FA2H: variants seen among roughly 807,000 people sequenced by gnomAD.
FA2H encodes fatty acid 2-hydroxylase.
A neutral mutation model predicts 44.9 loss-of-function variants in FA2H; 22 were observed. The observed-to-expected ratio is 0.49, with a 90% CI of 0.35 to 0.70. The LOEUF (loss-of-function observed/expected upper bound fraction) is 0.70. FA2H is among the 30% of genes least tolerant of loss of function. The pLI, the probability that FA2H is intolerant of heterozygous loss-of-function variation, is 0.01. For missense variants in FA2H, 501 were observed against 504.9 expected, an observed-to-expected ratio of 0.99 and a Z score of 0.07; for synonymous variants, 243 against 213.2, an observed-to-expected ratio of 1.14 and a Z score of -1.22.
At chr16:74,733,507 C>T (rs1028223072) in intron 2 of FA2H, among the ~76,000 whole-genome samples, 1 of 152,174 alleles carries the variant, frequency 6.6e-6, no homozygotes, top group Non-Finnish European at 1.5e-5. Context: ...GCACCCTGTG[C>T]ACTTGACCTT....
chr16:74,725,619 T>A (rs565225584), intron 4 of FA2H, among the ~76,000 whole-genome samples: 13 of 152,302 alleles, frequency 8.5e-5, no homozygotes, highest in African/African-American at 2.9e-4. Context: ...TAAAAGGGGA[T>A]AATGACAGGA....
At chr16:74,768,702 C>G (rs1408627345) in intron 1 of FA2H, among the ~76,000 whole-genome samples, 1 of 152,148 alleles carries the variant, frequency 6.6e-6, no homozygotes, top group Non-Finnish European at 1.5e-5. Context: ...TCTTTCTGCA[C>G]TTAGATCTCC....
intron 1 of FA2H, among the ~76,000 whole-genome samples, chr16:74,762,017 G>A (rs1402836788): frequency 6.6e-6 from 1 of 152,142 alleles, no homozygotes; most frequent in African/African-American, 2.4e-5. Flanking sequence ...TGTTCAAATT[G>A]GAGTTTATGG....
At chr16:74,738,673 T>C (rs1962229146) in intron 2 of FA2H, among the ~76,000 whole-genome samples, 1 of 152,184 alleles carries the variant, frequency 6.6e-6, no homozygotes, top group Admixed American at 6.5e-5. Flanking sequence ...GACAGGACCC[T>C]GAGCCAGGAC....
chr16:74,767,854 T>C (rs988275580), intron 1 of FA2H, among the ~76,000 whole-genome samples: 2 of 152,164 alleles, frequency 1.3e-5, no homozygotes, highest in Admixed American at 1.3e-4. Flanking sequence ...TAAAAGGGTA[T>C]GGCATCCAGC....
At chr16:74,753,125 T>C (rs1455070007) in intron 1 of FA2H, among the ~76,000 whole-genome samples, 2 of 152,190 alleles carry the variant, frequency 1.3e-5, no homozygotes, top group African/African-American at 4.8e-5. Flanking sequence ...GCTCTCATAT[T>C]ATCTCACTGT....
chr16:74,766,760 C>T (rs567319132), intron 1 of FA2H, among the ~76,000 whole-genome samples: 12 of 152,248 alleles, frequency 7.9e-5, no homozygotes, highest in East Asian at 5.8e-4. Context: ...CCAATGGAAA[C>T]GATTACTGTG....
At chr16:74,738,913 G>A (rs1017949709) in intron 2 of FA2H, among the ~76,000 whole-genome samples, 1 of 152,248 alleles carries the variant, frequency 6.6e-6, no homozygotes, top group Non-Finnish European at 1.5e-5. Flanking sequence ...GAGGGGACAT[G>A]GCACAGCACA....
intron 2 of FA2H, among the ~76,000 whole-genome samples, chr16:74,733,267 TA>T (rs1385134143): frequency 6.6e-6 from 1 of 152,212 alleles, no homozygotes; most frequent in Non-Finnish European, 1.5e-5. Context: ...CCTATAGTTC[TA>T]TGACTGGGGC....
At chr16:74,727,185 T>C in intron 3 of FA2H, 59 bp downstream of exon 3, 2 of 1,612,016 alleles carry the variant, frequency 1.2e-6, no homozygotes, top group Non-Finnish European at 8.5e-7. Flanking sequence ...CCTTTCCATA[T>C]CTGATTGGCA....
rs1314346833 is a variant in FA2H at position 74,761,025 on chromosome 16, T to C, written c.270+13461A>G. On this transcript the variant is annotated intron_variant, in intron 1 of 6. Transcript: ENST00000219368. ...GATGCTGGGCTTAACATCTAGGTGA[T>C]GGGATGACCTGGGCAGCAAACCACC... Among the ~76,000 whole-genome samples the C allele has an allele frequency of 5.3e-5, 8 of 152,226 alleles. No homozygotes were observed. In the East Asian group the frequency reaches 1.5e-3, roughly 29 times the overall value.
In FA2H at chr16:74,716,280, C is replaced by T. The variant is rs928240974; in HGVS notation, c.1039+67G>A. 18 of 1,576,038 alleles carry T rather than the reference C, an allele frequency of 1.1e-5. No individual in the cohort carries two copies. In the African/African-American group the frequency reaches 1.2e-4, roughly 11 times the overall value. ...CAGTGCCTTGCCGTTCCCAGGAGCT[C>T]GATGGTAGTTGGCAAATAAATCAAT... On this transcript the variant is annotated intron_variant, in intron 6 of 6. Coordinates refer to ENST00000219368, the MANE Select transcript of FA2H (RefSeq NM_024306.5).
intron 2 of FA2H, among the ~76,000 whole-genome samples, chr16:74,738,856 T>A (rs1357085473): frequency 6.6e-6 from 1 of 152,238 alleles, no homozygotes; most frequent in Non-Finnish European, 1.5e-5. Flanking sequence ...CCGGGCAGCC[T>A]TTCCTCTGGC....
rs200374591 is a variant in FA2H, at chr16:74,727,595, T to C, written c.364-209A>G. On this transcript the variant is annotated intron_variant, in intron 2 of 6. Transcript: ENST00000219368. ...CACAGCAATAGGATCCGGTAAAGGTTTGCGACCTAAGCTGGTGTGATGAGC... is the reference window on the plus strand; with the variant it reads ...CACAGCAATAGGATCCGGTAAAGGTCTGCGACCTAAGCTGGTGTGATGAGC... Among the ~76,000 whole-genome samples, 27 of 152,354 alleles carry C rather than the reference T, an allele frequency of 1.8e-4. No individual in the cohort carries two copies. The East Asian group carries it at 4.8e-3, about 27-fold the overall frequency.
At chr16:74,762,721 G>T (rs1962735725) in intron 1 of FA2H, among the ~76,000 whole-genome samples, 1 of 151,858 alleles carries the variant, frequency 6.6e-6, no homozygotes, top group Admixed American at 6.6e-5. Flanking sequence ...GTAGAGATGG[G>T]GTTTCACCAT....
chr16:74,726,483 G>A, intron 3 of FA2H, 152 bp from the exon 4 acceptor site: 1 of 588,124 alleles, frequency 1.7e-6, no homozygotes. Flanking sequence ...CTGCCTCTGG[G>A]GTTCAAGTGA....
intron 1 of FA2H, 138 bp from the exon 2 acceptor site, chr16:74,740,253 G>A: frequency 1.4e-6 from 1 of 729,142 alleles, no homozygotes; most frequent in East Asian, 2.5e-5. Context: ...CAAGGACGCT[G>A]GGTACTTTGG....
At chr16:74,727,479 C>A (rs1172191575) in intron 2 of FA2H, 93 bp from the exon 3 acceptor site, 33 of 1,356,126 alleles carry the variant, frequency 2.4e-5, no homozygotes, top group Non-Finnish European at 3.5e-5. Flanking sequence ...ATCCCCTGCT[C>A]CTACCTCAGC....
At chr16:74,720,187 T>TTTTTTTTC (rs1961804539) in intron 4 of FA2H, among the ~76,000 whole-genome samples, 1 of 119,248 alleles carries the variant, frequency 8.4e-6, no homozygotes, top group Non-Finnish European at 1.8e-5. Context: ...ATCCTTTTTT[T>TTTTTTTTC]TTTTTTTTTT....
Sources: gnomAD v4.1 joint callset for allele counts (sites outside exome capture counted in the v4.1 genomes callset) on GRCh38, gnomAD v4.1.1 for gene constraint, MANE v1.5 for transcripts, NCBI Gene and HGNC (gene_info 2026-07-23, HGNC 2026-07-21) for gene names.